The following ST6GALNAC5 variants were observed in gnomAD, a reference collection of about 807,000 sequenced individuals.
The protein encoded by ST6GALNAC5 is alpha-N-acetylgalactosaminide alpha-2,6-sialyltransferase 5.
A neutral mutation model predicts 33.6 loss-of-function variants in ST6GALNAC5; 27 were observed. The observed-to-expected ratio is 0.80, with a 90% CI of 0.59 to 1.11. The LOEUF (loss-of-function observed/expected upper bound fraction) is 1.11, where lower values mean the gene tolerates loss of function less well. Among genes scored for constraint, ST6GALNAC5 ranks in the 50% least tolerant of loss-of-function variants. The pLI is 0.00. For missense variants in ST6GALNAC5, 428 were observed against 454.0 expected, an observed-to-expected ratio of 0.94 and a Z score of 0.52; for synonymous variants, 194 against 171.2, an observed-to-expected ratio of 1.13 and a Z score of -1.04.
intron 2 of ST6GALNAC5, among the ~76,000 whole-genome samples, chr1:76,913,431 C>T (rs540266847): frequency 4.0e-5 from 6 of 151,790 alleles, no homozygotes; most frequent in African/African-American, 1.2e-4. Flanking sequence ...ATCTTTGTGG[C>T]GTTCTCTGTA....
chr1:76,973,644 A>G (rs973759779), intron 2 of ST6GALNAC5, among the ~76,000 whole-genome samples: 1 of 152,040 alleles, frequency 6.6e-6, no homozygotes, highest in African/African-American at 2.4e-5. Context: ...TGGCTTCTGA[A>G]TTTTTGTGTC....
chr1:76,898,313 G>T (rs1175906069), intron 2 of ST6GALNAC5, among the ~76,000 whole-genome samples: 1 of 152,218 alleles, frequency 6.6e-6, no homozygotes, highest in Non-Finnish European at 1.5e-5. Context: ...GTGTGCTGGA[G>T]ATGTGGCTGG....
At chr1:76,920,135 T>A in intron 2 of ST6GALNAC5, among the ~76,000 whole-genome samples, 1 of 152,120 alleles carries the variant, frequency 6.6e-6, no homozygotes, top group East Asian at 1.9e-4. Flanking sequence ...GGAAAGCATA[T>A]CCATATCATT....
chr1:76,880,249 A>G (rs1255490141), intron 2 of ST6GALNAC5, among the ~76,000 whole-genome samples: 1 of 152,166 alleles, frequency 6.6e-6, no homozygotes, highest in African/African-American at 2.4e-5. Context: ...TAACTCTCTA[A>G]ACAGTTTATG....
intron 2 of ST6GALNAC5, among the ~76,000 whole-genome samples, chr1:76,951,676 T>G (rs911782643): frequency 3.9e-5 from 6 of 152,118 alleles, no homozygotes; most frequent in Non-Finnish European, 8.8e-5. Flanking sequence ...AATGTATATT[T>G]AAAAAGGTGT....
chr1:76,953,830 G>A (rs1647846655), intron 2 of ST6GALNAC5, among the ~76,000 whole-genome samples: 2 of 151,920 alleles, frequency 1.3e-5, no homozygotes, highest in Non-Finnish European at 2.9e-5. Flanking sequence ...TTTTCATGTG[G>A]TGTGAGGTTT....
chr1:76,928,629 C>G (rs1647108021), intron 2 of ST6GALNAC5, among the ~76,000 whole-genome samples: 1 of 152,072 alleles, frequency 6.6e-6, no homozygotes, highest in Non-Finnish European at 1.5e-5. Context: ...ATTTGGACAG[C>G]TACAATAAGT....
intron 4 of ST6GALNAC5, among the ~76,000 whole-genome samples, chr1:77,061,987 C>T (rs995373621): frequency 1.1e-4 from 17 of 152,116 alleles, no homozygotes; most frequent in Admixed American, 9.2e-4. Flanking sequence ...AAAGAAAAAT[C>T]GTGGCCTCTT....
chr1:76,916,694 A>G (rs564545606), intron 2 of ST6GALNAC5, among the ~76,000 whole-genome samples: 30 of 151,842 alleles, frequency 2.0e-4, no homozygotes, highest in Non-Finnish European at 3.7e-4. Flanking sequence ...GTGTGTCATA[A>G]GCCTTTTAAA....
rs186490545 is a variant in ST6GALNAC5 at position 77,044,426 on chromosome 1, G to A, written c.484G>A (p.Val162Met). The change falls in exon 3 of 5, where the codon GTG becomes ATG. Residue 162 changes from valine to methionine, a missense_variant. Val to Met is a conservative substitution (Grantham distance 21, BLOSUM62 1). Transcript: ENST00000477717. ...CCGCAACCGCCATGACCTGCTCAAC[G>A]TGAGCCAGGGCACCGTGTTCATCTT... is the stretch of plus-strand genomic sequence containing the variant. ...ILRNRHDLLN[V>M]SQGTVFIFWG... 1.0e-4 allele frequency: 167 copies of A among 1,613,266 alleles called. 1 individual carries two copies. The South Asian group carries it at 1.2e-3, about 11-fold the overall frequency.
intron 2 of ST6GALNAC5, among the ~76,000 whole-genome samples, chr1:76,974,769 C>CTTACT (rs1648930215): frequency 3.1e-5 from 1 of 32,782 alleles, no homozygotes; most frequent in African/African-American, 1.1e-4. Context: ...TTTTTTCTTT[C>CTTACT]TTTCTTTTTT....
intron 2 of ST6GALNAC5, among the ~76,000 whole-genome samples, chr1:76,968,991 T>C (rs1345896805): frequency 6.6e-6 from 1 of 152,214 alleles, no homozygotes; most frequent in African/African-American, 2.4e-5. Context: ...TACCCAACTT[T>C]TCTCTCTGGT....
chr1:77,010,163 T>A (rs1307534674), intron 2 of ST6GALNAC5, among the ~76,000 whole-genome samples: 1 of 152,102 alleles, frequency 6.6e-6, no homozygotes, highest in Non-Finnish European at 1.5e-5. Flanking sequence ...GATCAATAAG[T>A]GTTAACTCAG....
intron 2 of ST6GALNAC5, among the ~76,000 whole-genome samples, chr1:76,999,666 G>C (rs2100406955): frequency 7.3e-6 from 1 of 137,478 alleles, no homozygotes; most frequent in African/African-American, 2.8e-5. Context: ...ACAGTCCCCA[G>C]AGTGTGATAT....
intron 2 of ST6GALNAC5, among the ~76,000 whole-genome samples, chr1:76,869,788 A>G (rs1209667481): frequency 1.3e-5 from 2 of 152,250 alleles, no homozygotes; most frequent in Non-Finnish European, 1.5e-5. Flanking sequence ...TGAAAGGTAT[A>G]AAAGAATTTA....
At chr1:77,027,305 TA>T (rs1482236141) in intron 2 of ST6GALNAC5, among the ~76,000 whole-genome samples, 3 of 152,154 alleles carry the variant, frequency 2.0e-5, no homozygotes, top group African/African-American at 7.2e-5. Flanking sequence ...GCACCTACAT[TA>T]GGGGGCAGGG....
chr1:77,040,867 C>T (rs1270555137), intron 2 of ST6GALNAC5, among the ~76,000 whole-genome samples: 1 of 152,176 alleles, frequency 6.6e-6, no homozygotes, highest in African/African-American at 2.4e-5. Flanking sequence ...CTGAGTTACA[C>T]AGAACCTCAG....
chr1:76,894,736 A>G (rs1456124383), intron 2 of ST6GALNAC5, among the ~76,000 whole-genome samples: 1 of 152,174 alleles, frequency 6.6e-6, no homozygotes, highest in South Asian at 2.1e-4. Context: ...GTAAAAGTGG[A>G]TAGGAGGAGG....
At position 76,868,356 on chromosome 1, in the gene ST6GALNAC5, GT is replaced by G; in HGVS notation, c.16-139del. The G allele has an allele frequency of 7.7e-7, 1 of 1,302,410 alleles. No individual in the cohort carries two copies. The highest frequency in any genetic ancestry group is 1.6e-5 in the South Asian group (1 of 63,620). 80.7% of individuals were successfully genotyped at this position (1,302,410 alleles called of 1,614,324 possible). On this transcript the variant is annotated intron_variant, in intron 1 of 4. Coordinates refer to ENST00000477717, the MANE Select transcript of ST6GALNAC5 (RefSeq NM_030965.3). This position sits in a 1 kb window ranked among gnomAD's most constrained non-coding sequence, Gnocchi z 4.3. Reference sequence around the variant, plus strand: ...AGGGGACGGTGCTTTCTCTGTCCCAGTTGCGTGCGGCGGGGCTGGGGCCCAG... The same window carrying G: ...AGGGGACGGTGCTTTCTCTGTCCCAGTGCGTGCGGCGGGGCTGGGGCCCAG...
Sources: allele counts gnomAD v4.1 joint callset (sites outside exome capture counted in the v4.1 genomes callset), GRCh38; gene constraint gnomAD v4.1.1; non-coding constraint Gnocchi (gnomAD v3.1); transcripts MANE v1.5; gene names NCBI Gene and HGNC (gene_info 2026-07-23, HGNC 2026-07-21).